CPNE5: variants seen among roughly 807,000 people sequenced by gnomAD.
CPNE5 encodes the protein copine 5.
In CPNE5, 42 loss-of-function variants were observed where a neutral mutation model predicts 81.1. The observed-to-expected ratio is 0.52, with a 90% CI of 0.40 to 0.67. CPNE5 has a LOEUF of 0.67. Ranked by LOEUF, CPNE5 falls within the 30% of genes least tolerant of loss-of-function variation. The pLI is 0.00. For synonymous variants in CPNE5, 313 were observed against 321.5 expected (o/e 0.97, Z 0.28); for missense variants, 612 against 815.5 (o/e 0.75, Z 3.04).
intron 3 of CPNE5, among the ~76,000 whole-genome samples, chr6:36,818,846 T>C (rs775039618): frequency 2.6e-5 from 4 of 152,212 alleles, no homozygotes; most frequent in African/African-American, 9.6e-5. Context: ...TTACAGAATG[T>C]AATTAATGGC....
chr6:36,800,601 T>C (rs1041030430), intron 3 of CPNE5, among the ~76,000 whole-genome samples: 29 of 152,194 alleles, frequency 1.9e-4, no homozygotes, highest in African/African-American at 6.8e-4. Context: ...TCCTAAAAGA[T>C]CCCCACCTTT....
At chr6:36,751,150 G>T (rs1012244965) in intron 14 of CPNE5, among the ~76,000 whole-genome samples, 35 of 152,244 alleles carry the variant, frequency 2.3e-4, no homozygotes, top group African/African-American at 8.2e-4. Flanking sequence ...CCTCACTCAG[G>T]CTCTCCAGAG....
intron 9 of CPNE5, 56 bp from the exon 10 acceptor site, chr6:36,775,121 T>C: frequency 7.4e-7 from 1 of 1,351,662 alleles, no homozygotes; most frequent in Admixed American, 1.7e-5. Flanking sequence ...GGGAGGCGAA[T>C]GCAGGTCAAC....
chr6:36,823,393 T>G (rs1321622536), intron 1 of CPNE5, among the ~76,000 whole-genome samples: 1 of 152,184 alleles, frequency 6.6e-6, no homozygotes, highest in Non-Finnish European at 1.5e-5. Flanking sequence ...CCACTCACCA[T>G]CGGGGGATTT....
rs763886341 is a variant in CPNE5 at position 36,822,166 on chromosome 6, G to GC, written c.137-7_137-6insG. 3.2e-5 allele frequency: 48 copies of GC among 1,510,204 alleles called. No homozygotes were observed. The highest frequency in any genetic ancestry group is 3.9e-5 in the Non-Finnish European group (44 of 1,118,350). 93.6% of individuals were successfully genotyped at this position (1,510,204 alleles called of 1,614,324 possible). A position where few individuals can be genotyped will look rare whatever the true frequency, so the allele number is the denominator to read the frequency against. On this transcript the variant is annotated splice_region_variant and splice_polypyrimidine_tract_variant and intron_variant, in intron 2 of 20. Coordinates refer to ENST00000244751, the MANE Select transcript of CPNE5 (RefSeq NM_020939.2). ...TTGGGTATACATGACGCACACTGCG[G>GC]GGGGAGGAGAAACAGTGGATTAATA...
At chr6:36,762,894 T>C (rs1766190606) in intron 12 of CPNE5, 23 bp downstream of exon 12, 6 of 1,608,334 alleles carry the variant, frequency 3.7e-6, no homozygotes, top group Non-Finnish European at 4.3e-6. Flanking sequence ...GTGCAAACCC[T>C]GGATTTCGGG....
In CPNE5 at chr6:36,818,003, G is replaced by A. The variant is rs1490667437; in HGVS notation, c.183+4111C>T. Among the ~76,000 whole-genome samples the A allele has an allele frequency of 2.0e-5, 3 of 152,008 alleles. No homozygotes were observed. The East Asian group carries it at 5.8e-4, about 29-fold the overall frequency. ...CCTCAACAGTGCAGGATGCTACTGG[G>A]CCCCTGGGTTATGTCTTCGCACGTC... On this transcript the variant is annotated intron_variant, in intron 3 of 20. Transcript: ENST00000244751.
intron 6 of CPNE5, among the ~76,000 whole-genome samples, chr6:36,795,605 T>C (rs1769495112): frequency 6.6e-6 from 1 of 152,144 alleles, no homozygotes; most frequent in South Asian, 2.1e-4. Flanking sequence ...GAGATGACAA[T>C]CTGAAGACAC....
intron 1 of CPNE5, among the ~76,000 whole-genome samples, chr6:36,831,432 C>A (rs1290325371): frequency 2.6e-5 from 4 of 152,020 alleles, no homozygotes; most frequent in Non-Finnish European, 5.9e-5. Context: ...CAGCTCACTG[C>A]AACCTCCGCC....
chr6:36,764,550 A>G (rs1766370844), intron 11 of CPNE5, among the ~76,000 whole-genome samples: 1 of 152,144 alleles, frequency 6.6e-6, no homozygotes, highest in African/African-American at 2.4e-5. Flanking sequence ...AAATGTCACA[A>G]AAGTCAGGGT....
intron 1 of CPNE5, among the ~76,000 whole-genome samples, chr6:36,824,230 C>A (rs236374): frequency 0.51 from 77,890 of 152,078 alleles, 20,191 homozygotes; most frequent in East Asian, 0.63. Context: ...AAAGGCCGCA[C>A]TCAACCAACA....
intron 3 of CPNE5, among the ~76,000 whole-genome samples, chr6:36,817,742 C>G (rs568092460): frequency 3.4e-4 from 52 of 152,300 alleles, no homozygotes; most frequent in African/African-American, 1.2e-3. Context: ...TGAGGTTCCA[C>G]CAATGGGAGG....
rs1460546804 is a variant in CPNE5 at position 36,766,099 on chromosome 6, T to G, written c.738-723A>C. 6.6e-6 allele frequency among the ~76,000 whole-genome samples: 1 copy of G among 152,128 alleles called. No homozygotes were observed. The highest frequency in any genetic ancestry group is 1.5e-5 in the Non-Finnish European group (1 of 68,002). On this transcript the variant is annotated intron_variant, in intron 10 of 20. Coordinates refer to ENST00000244751, the MANE Select transcript of CPNE5 (RefSeq NM_020939.2). The surrounding 1 kb of genome is among the most constrained non-coding windows in gnomAD (Gnocchi z 4.2). The stretch of plus-strand genomic sequence containing the variant: ...GTTGCGGTTAACCCTTGGTGCCAGC[T>G]GCTCGATCCTCCAGGGATGCCCAGG...
intron 12 of CPNE5, among the ~76,000 whole-genome samples, chr6:36,759,076 A>G (rs10807175): frequency 0.56 from 85,345 of 151,586 alleles, 24,777 homozygotes; most frequent in Non-Finnish European, 0.66. Context: ...ACAGCATCTC[A>G]AACTTTTGCT....
At chr6:36,772,606 G>T (rs890552671) in intron 10 of CPNE5, among the ~76,000 whole-genome samples, 1 of 152,182 alleles carries the variant, frequency 6.6e-6, no homozygotes, top group African/African-American at 2.4e-5. Flanking sequence ...GAGGCGCCAC[G>T]CTGGGACACA....
At chr6:36,777,621 G>C (rs1381675576) in intron 9 of CPNE5, among the ~76,000 whole-genome samples, 1 of 152,122 alleles carries the variant, frequency 6.6e-6, no homozygotes, top group African/African-American at 2.4e-5. Context: ...GTCCTTTGGT[G>C]AGACAAAGAA....
chr6:36,810,554 G>T (rs1050460210), intron 3 of CPNE5, among the ~76,000 whole-genome samples: 2 of 152,202 alleles, frequency 1.3e-5, no homozygotes, highest in African/African-American at 4.8e-5. Flanking sequence ...GCGCCCAGTG[G>T]CTGGGAAGAG....
intron 3 of CPNE5, among the ~76,000 whole-genome samples, chr6:36,813,715 A>G (rs1047267917): frequency 1.9e-4 from 29 of 152,164 alleles, no homozygotes; most frequent in African/African-American, 6.0e-4. Context: ...CTTGAAATAC[A>G]GTAAGCTTGT....
At chr6:36,808,729 C>G (rs953686105) in intron 3 of CPNE5, among the ~76,000 whole-genome samples, 1 of 152,184 alleles carries the variant, frequency 6.6e-6, no homozygotes, top group Non-Finnish European at 1.5e-5. Flanking sequence ...GATAGTAACC[C>G]TCACAGAGCC....
Sources: allele counts gnomAD v4.1 joint callset (sites outside exome capture counted in the v4.1 genomes callset), GRCh38; gene constraint gnomAD v4.1.1; non-coding constraint Gnocchi (gnomAD v3.1); transcripts MANE v1.5; gene names NCBI Gene and HGNC (gene_info 2026-07-23, HGNC 2026-07-21).